PDZD8: variants seen among roughly 807,000 people sequenced by gnomAD.
The protein encoded by PDZD8 is PDZ domain-containing protein 8.
A neutral mutation model predicts 85.8 loss-of-function variants in PDZD8; 14 were observed. The ratio of observed to expected loss-of-function variants is 0.16; its 90% confidence interval spans 0.11 to 0.26. The LOEUF (loss-of-function observed/expected upper bound fraction) is 0.26. PDZD8 is among the 10% of genes least tolerant of loss of function. The probability of loss-of-function intolerance (pLI) is 1.00; values close to 1 mark genes in which losing one functional copy is unlikely to be tolerated. For missense variants in PDZD8, 1,197 were observed against 1,424.3 expected, an observed-to-expected ratio of 0.84 and a Z score of 2.57; for synonymous variants, 592 against 568.6, an observed-to-expected ratio of 1.04 and a Z score of -0.59.
At chr10:117,362,967 T>A (rs1218066902) in intron 1 of PDZD8, among the ~76,000 whole-genome samples, 1 of 152,064 alleles carries the variant, frequency 6.6e-6, no homozygotes, top group Non-Finnish European at 1.5e-5. Flanking sequence ...GAATTAAACA[T>A]TAAGAACTAA....
chr10:117,367,252 T>C (rs893838570), intron 1 of PDZD8, among the ~76,000 whole-genome samples: 6 of 151,516 alleles, frequency 4.0e-5, no homozygotes, highest in Non-Finnish European at 8.8e-5. Context: ...CTGTACTAAA[T>C]ATGTGAAAAT....
intron 1 of PDZD8, among the ~76,000 whole-genome samples, chr10:117,367,902 G>A (rs11197971): frequency 0.014 from 2,136 of 151,210 alleles, 56 homozygotes; most frequent in African/African-American, 0.05. Flanking sequence ...CCTGGGCAAC[G>A]AGAGAGGAAA....
intron 1 of PDZD8, among the ~76,000 whole-genome samples, chr10:117,350,423 G>A (rs1056878293): frequency 1.3e-5 from 2 of 151,008 alleles, no homozygotes; most frequent in Admixed American, 6.6e-5. Flanking sequence ...CCACTACCAC[G>A]TTCGGTTAAT....
chr10:117,367,267 C>T (rs12269460), intron 1 of PDZD8, among the ~76,000 whole-genome samples: 36,472 of 151,718 alleles, frequency 0.24, 4,908 homozygotes, highest in East Asian at 0.44. Context: ...GAAAATTAGC[C>T]GGGTGTGGTG....
chr10:117,337,625 A>T (rs1046481049), intron 2 of PDZD8, among the ~76,000 whole-genome samples: 3 of 152,200 alleles, frequency 2.0e-5, no homozygotes, highest in African/African-American at 7.2e-5. Context: ...CTCACAAACA[A>T]ATATGCAAGA....
At chr10:117,309,454 T>C (rs1238004494) in intron 3 of PDZD8, among the ~76,000 whole-genome samples, 1 of 151,870 alleles carries the variant, frequency 6.6e-6, no homozygotes. Context: ...ATCTCTAGCC[T>C]GGCCTTTGAT....
At chr10:117,358,993 G>T (rs1017652522) in intron 1 of PDZD8, among the ~76,000 whole-genome samples, 8 of 152,134 alleles carry the variant, frequency 5.3e-5, no homozygotes, top group Admixed American at 3.3e-4. Flanking sequence ...GATGGTCCCA[G>T]TTCATGGCTG....
intron 2 of PDZD8, among the ~76,000 whole-genome samples, chr10:117,324,752 T>G (rs1203189384): frequency 6.6e-6 from 1 of 152,208 alleles, no homozygotes; most frequent in Non-Finnish European, 1.5e-5. Flanking sequence ...ATGAGAATAA[T>G]TTTTTATGAC....
chr10:117,326,005 G>A (rs1420163468), intron 2 of PDZD8, among the ~76,000 whole-genome samples: 5 of 152,042 alleles, frequency 3.3e-5, no homozygotes. Context: ...CATTTCCCCT[G>A]CTCGCACTCA....
Position 117,330,346 on chromosome 10 carries a change from C to A in PDZD8, c.995+10634G>T, listed in dbSNP as rs1287301305. ...GAACACTCCTACAGGGAAATCTAAC[C>A]ATGCCTTACTACTTAAGATATGTAA... On this transcript the variant is annotated intron_variant, in intron 2 of 4. Coordinates refer to ENST00000334464, the MANE Select transcript of PDZD8 (RefSeq NM_173791.5). Among the ~76,000 whole-genome samples, 12 of 152,294 alleles carry A rather than the reference C, an allele frequency of 7.9e-5. No individual in the cohort carries two copies. The East Asian group carries it at 2.1e-3, about 27-fold the overall frequency.
chr10:117,313,692 A>C (rs1844076297), intron 3 of PDZD8, among the ~76,000 whole-genome samples: 1 of 152,126 alleles, frequency 6.6e-6, no homozygotes, highest in Admixed American at 6.6e-5. Flanking sequence ...CTATATGCTC[A>C]TTTAGCATCT....
At position 117,305,439 on chromosome 10, in the gene PDZD8, T is replaced by TAC. The variant is rs58859667; in HGVS notation, c.1098+13431_1098+13432dup. ...AAAACAAACAAACAAACAAACAAAATACACACACACACACACATATATACA... is the reference window on the plus strand; with the variant it reads ...AAAACAAACAAACAAACAAACAAAATACACACACACACACACACATATATACA... On this transcript the variant is annotated intron_variant, in intron 3 of 4. Transcript: ENST00000334464. Among the ~76,000 whole-genome samples the TAC allele has an allele frequency of 1.0e-3, 153 of 146,194 alleles. 1 individual carries two copies. Among genetic ancestry groups the TAC allele is most frequent in the African/African-American group, 3.6e-3 (140 of 38,690 alleles).
chr10:117,374,269 T>C lies in PDZD8; in HGVS notation c.872+87A>G, dbSNP rs1270142513. ...CCAGAAGCAGGCGCCAGGACAGAAA[T>C]GAGCCTTTGCCCTTCCCAATCCACG... On this transcript the variant is annotated intron_variant, in intron 1 of 4. Coordinates refer to ENST00000334464, the MANE Select transcript of PDZD8 (RefSeq NM_173791.5). The surrounding 1 kb of genome is among the most constrained non-coding windows in gnomAD (Gnocchi z 7.8). 6.4e-7 allele frequency: 1 copy of C among 1,552,068 alleles called. No homozygotes were observed. Among genetic ancestry groups the C allele is most frequent in the Non-Finnish European group, 8.7e-7 (1 of 1,148,154 alleles).
intron 3 of PDZD8, among the ~76,000 whole-genome samples, chr10:117,298,590 C>G (rs1173709901): frequency 6.6e-6 from 1 of 152,074 alleles, no homozygotes; most frequent in Non-Finnish European, 1.5e-5. Flanking sequence ...TCTTATTTAT[C>G]AACTACAGAC....
In PDZD8 at chr10:117,318,885, C is replaced by T. The variant is rs1159960085; in HGVS notation, c.1085G>A (p.Ser362Asn). 1 of 1,600,844 alleles carries T rather than the reference C, an allele frequency of 6.2e-7. No individual in the cohort carries two copies. The highest frequency in any genetic ancestry group is 2.2e-5 in the East Asian group (1 of 44,662). Reference protein sequence around the residue: ...SSSVWEEKQRSSIKTVELIKG... With the variant: ...SSSVWEEKQRNSIKTVELIKG... ...AATCCATTTTACCGTCTTAATAGAA[C>T]TCCTCTGTTTTTCTTCCCAAACACT... is the stretch of plus-strand genomic sequence containing the variant. Residue 362 changes from serine to asparagine, a missense_variant, in exon 3 of 5, where the codon AGT (serine) becomes AAT (asparagine). Ser to Asn is a conservative substitution (Grantham distance 46). Around this residue, in one of 4 missense-constraint regions of PDZD8, gnomAD observed 344 missense variants for 453.6 expected, o/e 0.76. Transcript: ENST00000334464.
intron 1 of PDZD8, among the ~76,000 whole-genome samples, chr10:117,354,863 T>C (rs1844866326): frequency 6.6e-6 from 1 of 152,238 alleles, no homozygotes; most frequent in Non-Finnish European, 1.5e-5. Context: ...TTTCTTCATT[T>C]ATTATGCTTC....
Position 117,374,941 on chromosome 10 carries a change from T to C in PDZD8, c.287A>G (p.Tyr96Cys), listed in dbSNP as rs995579094. 1.1e-5 allele frequency: 18 copies of C among 1,611,956 alleles called. No homozygotes were observed. Among genetic ancestry groups the C allele is most frequent in the Admixed American group, 1.7e-5 (1 of 59,918 alleles). The change falls in exon 1 of 5, where the codon TAC (tyrosine) becomes TGC (cysteine). Residue 96 changes from tyrosine (Y) to cysteine (C), a missense_variant. Around this residue, in one of 4 missense-constraint regions of PDZD8, gnomAD observed 172 missense variants for 137.8 expected, o/e 1.25. Coordinates refer to ENST00000334464, the MANE Select transcript of PDZD8 (RefSeq NM_173791.5). The surrounding 1 kb of genome is among the most constrained non-coding windows in gnomAD (Gnocchi z 7.8). ...TPAPPTRETC[Y>C]FLNATILFLF... Reference sequence around the variant, plus strand: ...GAATAGGATGGTGGCGTTGAGGAAGTAGCAAGTCTCCCGCGTCGGCGGGGC... The same window carrying C: ...GAATAGGATGGTGGCGTTGAGGAAGCAGCAAGTCTCCCGCGTCGGCGGGGC...
intron 3 of PDZD8, among the ~76,000 whole-genome samples, chr10:117,298,640 C>T (rs1355386111): frequency 6.6e-6 from 1 of 152,132 alleles, no homozygotes; most frequent in Non-Finnish European, 1.5e-5. Context: ...ATTCTTCCCT[C>T]TTTCTCTCCT....
chr10:117,362,697 T>C (rs1845018719), intron 1 of PDZD8, among the ~76,000 whole-genome samples: 1 of 152,130 alleles, frequency 6.6e-6, no homozygotes, highest in Non-Finnish European at 1.5e-5. Context: ...TTTAAGTAGA[T>C]AATTTACTCA....
Sources: allele counts gnomAD v4.1 joint callset (sites outside exome capture counted in the v4.1 genomes callset), GRCh38; gene constraint gnomAD v4.1.1; regional missense constraint gnomAD v4.1.1; non-coding constraint Gnocchi (gnomAD v3.1); transcripts MANE v1.5; gene names NCBI Gene and HGNC (gene_info 2026-07-23, HGNC 2026-07-21).